SFMBT2: variants seen among roughly 807,000 people sequenced by gnomAD.
SFMBT2 encodes the protein scm-like with four MBT domains protein 2.
In SFMBT2, 38 loss-of-function variants were observed where a neutral mutation model predicts 110.1. The ratio of observed to expected loss-of-function variants is 0.35; its 90% CI spans 0.27 to 0.45. The LOEUF (loss-of-function observed/expected upper bound fraction) is 0.45. Ranked by LOEUF, SFMBT2 falls within the 20% of genes least tolerant of loss-of-function variation. SFMBT2 has a pLI of 1.00. For missense variants in SFMBT2, 1,011 were observed against 1,094.9 expected (o/e 0.92, Z 1.08); for synonymous variants, 425 against 425.4 (o/e 1.00, Z 0.01).
chr10:7,242,724 C>T (rs940409224), intron 9 of SFMBT2, among the ~76,000 whole-genome samples: 6 of 152,130 alleles, frequency 3.9e-5, no homozygotes, highest in South Asian at 2.1e-4. Context: ...AACAGACTGG[C>T]GAGGCCACCA....
intron 1 of SFMBT2, among the ~76,000 whole-genome samples, chr10:7,404,339 T>C (rs1846156993): frequency 1.3e-5 from 2 of 152,224 alleles, no homozygotes; most frequent in African/African-American, 4.8e-5. Context: ...CATATAGTAG[T>C]GTTGATTGAA....
chr10:7,236,892 G>C (rs891587300), intron 9 of SFMBT2, among the ~76,000 whole-genome samples: 7 of 152,172 alleles, frequency 4.6e-5, no homozygotes, highest in African/African-American at 1.7e-4. Context: ...ATTCATGTTA[G>C]AATATATAAA....
chr10:7,220,865 T>C (rs902267406), intron 10 of SFMBT2, among the ~76,000 whole-genome samples: 3 of 149,242 alleles, frequency 2.0e-5, no homozygotes, highest in African/African-American at 7.5e-5. Context: ...CTGGCTCTGA[T>C]GCCCAGACTG....
chr10:7,228,833 A>T (rs1840027155), intron 9 of SFMBT2, among the ~76,000 whole-genome samples: 1 of 134,642 alleles, frequency 7.4e-6, no homozygotes, highest in Non-Finnish European at 1.6e-5. Context: ...TTTTGGGGGG[A>T]AGATGCAACT....
chr10:7,348,439 A>T (rs1826765156), intron 4 of SFMBT2: 1 of 923,750 alleles, frequency 1.1e-6, no homozygotes, highest in South Asian at 4.1e-5. Context: ...TATGTCATTA[A>T]GGGCTTTTCA....
intron 7 of SFMBT2, among the ~76,000 whole-genome samples, chr10:7,268,292 A>C (rs777028343): frequency 6.6e-6 from 1 of 152,226 alleles, no homozygotes; most frequent in Non-Finnish European, 1.5e-5. Context: ...TGACCAAAAG[A>C]CTGAGTCTGT....
intron 4 of SFMBT2, among the ~76,000 whole-genome samples, chr10:7,299,556 T>C (rs1842498189): frequency 6.6e-6 from 1 of 152,096 alleles, no homozygotes; most frequent in Non-Finnish European, 1.5e-5. Flanking sequence ...CCAGTCAGAA[T>C]GGTGATTATT....
chr10:7,172,487 G>A lies in SFMBT2; in HGVS notation c.2151+8C>T. 1.9e-6 allele frequency: 3 copies of A among 1,613,510 alleles called. No homozygotes were observed. Among genetic ancestry groups the A allele is most frequent in the Non-Finnish European group, 2.5e-6 (3 of 1,180,030 alleles). On this transcript the variant is annotated splice_region_variant and intron_variant, in intron 18 of 20. Coordinates refer to ENST00000397167, the MANE Select transcript of SFMBT2 (RefSeq NM_001387889.1). The surrounding 1 kb of genome is among the most constrained non-coding windows in gnomAD (Gnocchi z 4.6). ...TACAGGCTGGCAGGTGCCCCGGGCA[G>A]AACATACCTCCCCCGAGCCCGCGGT...
intron 7 of SFMBT2, 58 bp downstream of exon 7, chr10:7,276,834 T>C (rs1026643019): frequency 1.7e-5 from 14 of 825,700 alleles, no homozygotes; most frequent in Admixed American, 8.5e-5. Flanking sequence ...CCGGAAAACT[T>C]TGTAGATGAT....
At chr10:7,211,952 A>C (rs1395208691) in intron 11 of SFMBT2, among the ~76,000 whole-genome samples, 1 of 152,152 alleles carries the variant, frequency 6.6e-6, no homozygotes, top group African/African-American at 2.4e-5. Context: ...TAAACATACA[A>C]GGTGGGCTCA....
Position 7,172,237 on chromosome 10 carries a change from C to A in SFMBT2, c.2152-79G>T. 6.7e-7 allele frequency: 1 copy of A among 1,487,494 alleles called. No homozygotes were observed. The highest frequency in any genetic ancestry group is 2.3e-5 in the East Asian group (1 of 42,828). 92.1% of individuals were successfully genotyped at this position (1,487,494 alleles called of 1,614,324 possible). On this transcript the variant is annotated intron_variant, in intron 18 of 20. Transcript: ENST00000397167. The surrounding 1 kb of genome is among the most constrained non-coding windows in gnomAD (Gnocchi z 4.6). ...GTGGCCCCGCGGTCAGACCCTGGGC[C>A]CAGTGCAGACCACCTAGCAAACCCT...
intron 11 of SFMBT2, among the ~76,000 whole-genome samples, chr10:7,215,998 C>G (rs1839522680): frequency 6.6e-6 from 1 of 152,216 alleles, no homozygotes; most frequent in Admixed American, 6.5e-5. Context: ...TCGGAAAATT[C>G]TTCCTGGAAA....
intron 7 of SFMBT2, among the ~76,000 whole-genome samples, chr10:7,260,756 A>G (rs1225222927): frequency 1.3e-5 from 2 of 150,920 alleles, no homozygotes; most frequent in African/African-American, 4.8e-5. Flanking sequence ...ACTTAGTACA[A>G]TAAAAAAATC....
intron 5 of SFMBT2, chr10:7,284,559 G>C (rs368463150): frequency 8.0e-6 from 3 of 372,768 alleles, no homozygotes; most frequent in East Asian, 2.9e-4. Flanking sequence ...TTCTAATACA[G>C]AGCATTCAAT....
intron 7 of SFMBT2, among the ~76,000 whole-genome samples, chr10:7,268,949 T>C (rs1841482038): frequency 1.3e-5 from 2 of 152,218 alleles, no homozygotes; most frequent in Non-Finnish European, 2.9e-5. Context: ...CACGGTGATA[T>C]ACAGTGCAGT....
At chr10:7,232,080 T>C (rs1840121634) in intron 9 of SFMBT2, among the ~76,000 whole-genome samples, 1 of 152,220 alleles carries the variant, frequency 6.6e-6, no homozygotes, top group Non-Finnish European at 1.5e-5. Context: ...AATTAAACTT[T>C]GCAGCAAGCT....
At chr10:7,254,788 A>C (rs1840941232) in intron 7 of SFMBT2, among the ~76,000 whole-genome samples, 1 of 152,218 alleles carries the variant, frequency 6.6e-6, no homozygotes. Context: ...AGATCGAGCC[A>C]CTGCACTCAA....
intron 4 of SFMBT2, among the ~76,000 whole-genome samples, chr10:7,319,781 A>T (rs556874515): frequency 1.3e-5 from 2 of 150,118 alleles, no homozygotes; most frequent in African/African-American, 4.9e-5. Flanking sequence ...ACAGAGAGAG[A>T]GAGAGGGAGA....
intron 4 of SFMBT2, among the ~76,000 whole-genome samples, chr10:7,350,416 C>A (rs913548509): frequency 2.6e-5 from 4 of 152,154 alleles, no homozygotes; most frequent in African/African-American, 9.7e-5. Context: ...CCCCACCCAG[C>A]CACTCTTCCG....
Sources: gnomAD v4.1 joint callset for allele counts (sites outside exome capture counted in the v4.1 genomes callset) on GRCh38, gnomAD v4.1.1 for gene constraint, Gnocchi (gnomAD v3.1) non-coding constraint, MANE v1.5 for transcripts, NCBI Gene and HGNC (gene_info 2026-07-23, HGNC 2026-07-21) for gene names.